Variants in XKRX observed in about 807,000 individuals in gnomAD.
XKRX encodes XK related X-linked, also known as XK-related protein 2.
Under a neutral mutation model 22.4 loss-of-function variants are expected in XKRX, and 11 were observed. The observed-to-expected ratio is 0.49, with a 90% CI of 0.31 to 0.81. The LOEUF is 0.81. Among genes scored for constraint, XKRX ranks in the 40% least tolerant of loss-of-function variants. XKRX has a pLI of 0.05. For missense variants in XKRX, 320 were observed against 336.5 expected, an observed-to-expected ratio of 0.95 and a Z score of 0.38; for synonymous variants, 114 against 132.2, an observed-to-expected ratio of 0.86 and a Z score of 0.94.
downstream of XKRX, among the ~76,000 whole-genome samples, chrX:100,908,863 T>G (rs1384292426): frequency 1.1e-5 from 1 of 90,958 alleles, no homozygotes; most frequent in Non-Finnish European, 2.1e-5. Flanking sequence ...CATGACCATA[T>G]GAGATGCAGG....
chrX:100,923,326 T>C (rs1428240603), intron 1 of XKRX, among the ~76,000 whole-genome samples: 1 of 111,627 alleles, frequency 9.0e-6, no homozygotes, highest in East Asian at 2.8e-4. Context: ...ATTTTTAATT[T>C]GTGTAGAGAG....
intron 2 of XKRX, among the ~76,000 whole-genome samples, chrX:100,916,890 G>A (rs2085438661): frequency 3.6e-5 from 4 of 112,305 alleles, no homozygotes; most frequent in South Asian, 7.4e-4. Flanking sequence ...AGGCCAAGGC[G>A]GATGGATCAC....
chrX:100,930,287 T>TTAATAA (rs59300334), upstream of XKRX, among the ~76,000 whole-genome samples: 298 of 85,588 alleles, frequency 3.5e-3, no homozygotes, highest in Middle Eastern at 5.7e-3. Flanking sequence ...AGATTACGTC[T>TTAATAA]TAATAATAAT....
upstream of XKRX, among the ~76,000 whole-genome samples, chrX:100,932,281 C>G (rs1158208698): frequency 9.0e-6 from 1 of 111,587 alleles, no homozygotes. Flanking sequence ...GCTCTTTACT[C>G]TTCTTGGGAC....
chrX:100,899,436 G>A, the XKRX span, among the ~76,000 whole-genome samples: 10 of 112,250 alleles, frequency 8.9e-5, no homozygotes, highest in African/African-American at 2.6e-4. Flanking sequence ...GATCACTGGC[G>A]CCTGAGAGGC....
the XKRX span, among the ~76,000 whole-genome samples, chrX:100,896,034 G>A: frequency 8.9e-6 from 1 of 111,733 alleles, no homozygotes; most frequent in Non-Finnish European, 1.9e-5. Context: ...GAGCTGTGGT[G>A]TATTTCTGTG....
the XKRX span, among the ~76,000 whole-genome samples, chrX:100,896,891 C>G: frequency 9.0e-6 from 1 of 111,121 alleles, no homozygotes; most frequent in Non-Finnish European, 1.9e-5. Flanking sequence ...GAATCAATCC[C>G]AAAAAACTAA....
At chrX:100,901,960 T>A in the XKRX span, among the ~76,000 whole-genome samples, 1 of 108,408 alleles carries the variant, frequency 9.2e-6, no homozygotes, top group Non-Finnish European at 1.9e-5. Flanking sequence ...GATTGTGCCA[T>A]TGCACTCCAG....
Position 100,914,353 on chromosome X carries a change from C to A in XKRX, c.1335G>T (p.Arg445Ser). ...NSEPPFETEA[R>S]QSVV is the part of the protein sequence containing the mutation. ...GAAAATAGAATCAGACAACACTTTGCCTTGCTTCAGTCTCAAAGGGTGGCT... is the reference window on the plus strand; with the variant it reads ...GAAAATAGAATCAGACAACACTTTGACTTGCTTCAGTCTCAAAGGGTGGCT... Residue 445 changes from arginine (R) to serine (S), a missense_variant, in exon 3 of 3, where the codon AGG becomes AGT. Arg to Ser is a moderately radical substitution (Grantham distance 110). Coordinates refer to ENST00000372956, the MANE Select transcript of XKRX (RefSeq NM_212559.3). 2 of 1,209,659 alleles carry A rather than the reference C, an allele frequency of 1.7e-6. No homozygotes were observed. The highest frequency in any genetic ancestry group is 1.1e-6 in the Non-Finnish European group (1 of 894,244).
upstream of XKRX, chrX:100,929,131 G>C (rs1301985664): frequency 8.9e-6 from 1 of 112,427 alleles, no homozygotes; most frequent in Non-Finnish European, 1.9e-5. Flanking sequence ...CGATGTGCGG[G>C]GCGCCAACCT....
the XKRX span, among the ~76,000 whole-genome samples, chrX:100,953,903 TAAAA>T: frequency 1.2e-3 from 39 of 33,390 alleles, no homozygotes; most frequent in Non-Finnish European, 1.4e-3. Context: ...AGTGAGACTC[TAAAA>T]AAAAAAAAAA....
At chrX:100,943,284 A>G in the XKRX span, among the ~76,000 whole-genome samples, 8 of 112,411 alleles carry the variant, frequency 7.1e-5, no homozygotes, top group African/African-American at 2.6e-4. Flanking sequence ...ATAACATAAT[A>G]GGATATTGTT....
At chrX:100,910,813 G>A (rs992151151), downstream of XKRX, 40 of 782,179 alleles carry the variant, frequency 5.1e-5, no homozygotes, top group South Asian at 3.6e-4. Flanking sequence ...GGCTACGAAC[G>A]TTCAAAGAAG....
At chrX:100,943,124 ATG>A in the XKRX span, among the ~76,000 whole-genome samples, 1 of 110,495 alleles carries the variant, frequency 9.1e-6, no homozygotes, top group Admixed American at 9.7e-5. Context: ...GTGTGTGTGT[ATG>A]TGTGTGTGTG....
chrX:100,916,412 A>T (rs1443864748), intron 2 of XKRX, among the ~76,000 whole-genome samples: 1 of 112,167 alleles, frequency 8.9e-6, no homozygotes, highest in Non-Finnish European at 1.9e-5. Flanking sequence ...AACTTCCTTA[A>T]AAAGCATGGG....
intron 1 of XKRX, 115 bp downstream of exon 1, chrX:100,927,855 G>A: frequency 1.1e-6 from 1 of 939,807 alleles, no homozygotes; most frequent in East Asian, 3.2e-5. Context: ...GAGAGTGGGA[G>A]GAAATGAGAG....
chrX:100,923,592 T>A (rs886395514), intron 1 of XKRX, among the ~76,000 whole-genome samples: 17 of 112,146 alleles, frequency 1.5e-4, no homozygotes, highest in Admixed American at 1.0e-3. Context: ...CTAAGAACAC[T>A]GTTTCAGAAG....
chrX:100,956,974 C>T, the XKRX span: 2 of 1,065,817 alleles, frequency 1.9e-6, no homozygotes, highest in Non-Finnish European at 2.6e-6. Flanking sequence ...GGTGCCCGAG[C>T]TTGGGACAAG....
At chrX:100,917,933 C>A (rs567136807) in intron 2 of XKRX, among the ~76,000 whole-genome samples, 1 of 111,461 alleles carries the variant, frequency 9.0e-6, no homozygotes, top group Non-Finnish European at 1.9e-5. Flanking sequence ...ATCCATGGAA[C>A]CATATGTTAG....
Sources: allele counts gnomAD v4.1 joint callset (sites outside exome capture counted in the v4.1 genomes callset), GRCh38; gene constraint gnomAD v4.1.1; transcripts MANE v1.5; gene names NCBI Gene and HGNC (gene_info 2026-07-23, HGNC 2026-07-21).